CCDC78: variants seen among roughly 807,000 people sequenced by gnomAD.
The protein encoded by CCDC78 is coiled-coil domain-containing protein 78.
CCDC78 carries 78 observed loss-of-function variants against 61.9 expected under a neutral mutation model. That is an observed-to-expected ratio of 1.26 (90% CI 1.05 to 1.52). The LOEUF (loss-of-function observed/expected upper bound fraction) is 1.52. Among genes scored for constraint, CCDC78 ranks in the 40% most tolerant of loss-of-function variants. The pLI, the probability that CCDC78 is intolerant of heterozygous loss-of-function variation, is 0.00. For missense variants in CCDC78, 737 were observed against 615.5 expected (o/e 1.20, Z -2.09); for synonymous variants, 287 against 251.9 (o/e 1.14, Z -1.32).
In CCDC78 at chr16:725,269, G is replaced by T; in HGVS notation, c.460C>A (p.Pro154Thr). The change falls in exon 5 of 14, where the codon CCC (proline) becomes ACC (threonine). Residue 154 changes from proline to threonine, a missense_variant. Pro to Thr is a conservative substitution (Grantham distance 38, BLOSUM62 -1). Coordinates refer to ENST00000345165, the MANE Select transcript of CCDC78 (RefSeq NM_001378030.1). ...FQVQPKNTMNPENEQHRLGSG... is the reference protein window; with the variant it reads ...FQVQPKNTMNTENEQHRLGSG... ...CCCAGCCTGTGCTGCTCATTCTCGG[G>T]GTTCATGGTGTTCTTGGGCTGCACC... is the stretch of plus-strand genomic sequence containing the variant. 1.2e-6 allele frequency: 2 copies of T among 1,607,442 alleles called. No individual in the cohort carries two copies. The highest frequency in any genetic ancestry group is 1.7e-6 in the Non-Finnish European group (2 of 1,179,982).
At chr16:724,239 C>T (rs1057483196) in intron 9 of CCDC78, 34 bp from the exon 10 acceptor site, 2 of 1,585,146 alleles carry the variant, frequency 1.3e-6, no homozygotes. Context: ...TCTGGGGCCA[C>T]TCCTGCTGCA....
chr16:722,786 G>C lies in CCDC78; in HGVS notation c.1305C>G (p.Tyr435Ter). 1 of 1,612,622 alleles carries C rather than the reference G, an allele frequency of 6.2e-7. No individual in the cohort carries two copies. Among genetic ancestry groups the C allele is most frequent in the Non-Finnish European group, 8.5e-7 (1 of 1,179,964 alleles). Residue 435 changes from tyrosine (Y) to a stop codon, truncating the protein, a stop_gained, in exon 14 of 14, where the codon TAC becomes TAG. Transcript: ENST00000345165. LOFTEE classifies it low-confidence loss of function (END_TRUNC). The stretch of plus-strand genomic sequence containing the variant: ...TCCTCAGCCTCAGGATTTCGTGCTT[G>C]TACCTGCTCAGAGGAACCATGCTTA... ...QEYVDQHLGR[Y>*]KHEILRLRKL...
chr16:724,868 C>T, intron 7 of CCDC78, 43 bp downstream of exon 7: 1 of 1,600,552 alleles, frequency 6.2e-7, no homozygotes, highest in South Asian at 1.1e-5. Context: ...GCTTCTGGGG[C>T]CCCCACCCTC....
At position 725,249 on chromosome 16, in the gene CCDC78, C is replaced by T. The variant is rs770858049; in HGVS notation, c.480G>A (p.Arg160=). The change falls in exon 5 of 14, where the codon AGG becomes AGA. Residue 160 remains arginine (R), a synonymous_variant. Transcript: ENST00000345165. ...GCTGCACACTCACGCCGCTCCCCAG[C>T]CTGTGCTGCTCATTCTCGGGGTTCA... ...NTMNPENEQH[R]LGSGLQGEVK... 6 of 1,607,922 alleles carry T rather than the reference C, an allele frequency of 3.7e-6. No homozygotes were observed. The South Asian group carries it at 6.6e-5, about 18-fold the overall frequency.
At position 724,369 on chromosome 16, in the gene CCDC78, C is replaced by T; in HGVS notation, c.906G>A (p.Arg302=). The T allele has an allele frequency of 1.2e-6, 2 of 1,612,354 alleles. No homozygotes were observed. Among genetic ancestry groups the T allele is most frequent in the African/African-American group, 2.7e-5 (2 of 75,046 alleles). ...CATGCCTGCGGCTCAGATCCACCAG[C>T]CTCTTGTGGTAGCTGCGGGCAGCCC... is the stretch of plus-strand genomic sequence containing the variant. ...LARAARSYHK[R]LVDLSRRHEE... The change falls in exon 9 of 14, where the codon AGG becomes AGA. Residue 302 remains arginine (R), a synonymous_variant. Transcript: ENST00000345165.
At position 724,139 on chromosome 16, in the gene CCDC78, G is replaced by A. The variant is rs1319236751; in HGVS notation, c.1020C>T (p.Pro340=). ...CCCGATGGCTGAAGTCAGTGACCAG[G>A]GGCACGGGCAATGGTTCCAGGTCCA... ...ASLDLEPLPV[P]LVTDFSHRED... The change falls in exon 10 of 14, where the codon CCC becomes CCT. Residue 340 remains proline, a synonymous_variant. Transcript: ENST00000345165. 1.9e-6 allele frequency: 3 copies of A among 1,603,546 alleles called. No homozygotes were observed. Among genetic ancestry groups the A allele is most frequent in the Middle Eastern group, 1.7e-4 (1 of 6,008 alleles).
At position 726,171 on chromosome 16, in the gene CCDC78, C is replaced by G. The variant is rs772004662; in HGVS notation, c.61-86G>C. On this transcript the variant is annotated intron_variant, in intron 1 of 13. Transcript: ENST00000345165. Reference sequence around the variant, plus strand: ...CCATGCAGTCACCAGTCCCGCCTCCCTGCCTGGCTGAGCTGTAAAAGTCCC... The same window carrying G: ...CCATGCAGTCACCAGTCCCGCCTCCGTGCCTGGCTGAGCTGTAAAAGTCCC... 2.8e-5 allele frequency: 43 copies of G among 1,550,308 alleles called. No individual in the cohort carries two copies. The South Asian group carries it at 5.0e-4, about 18-fold the overall frequency.
Position 725,971 on chromosome 16 carries a change from G to A in CCDC78, c.175C>T (p.Leu59=), listed in dbSNP as rs2040885685. Residue 59 remains leucine, a synonymous_variant, in exon 2 of 14, where the codon CTG becomes TTG. Transcript: ENST00000345165. ...PDLALNKEQQ[L]QISKELVDIQ... ...CGCTGGGGCCCCACACCCACCTGCA[G>A]CTGCTGCTCCTTATTGAGCGCTAGA... is the stretch of plus-strand genomic sequence containing the variant. 1 of 1,555,748 alleles carries A rather than the reference G, an allele frequency of 6.4e-7. No homozygotes were observed. Among genetic ancestry groups the A allele is most frequent in the Non-Finnish European group, 8.7e-7 (1 of 1,149,638 alleles).
rs776596806 is a variant in CCDC78 at position 724,453 on chromosome 16, C to T, written c.822G>A (p.Leu274=). Residue 274 remains leucine, a synonymous_variant, in exon 9 of 14, where the codon CTG becomes CTA. Coordinates refer to ENST00000345165, the MANE Select transcript of CCDC78 (RefSeq NM_001378030.1). ...APATTALRTF[L]EATLEDIRAA... ...CCCGGATGTCCTCCAGAGTCGCCTC[C>T]AGGAATGTCCGGAGGGCCGTGGTGG... 1 of 1,603,890 alleles carries T rather than the reference C, an allele frequency of 6.2e-7. No individual in the cohort carries two copies. The highest frequency in any genetic ancestry group is 2.2e-5 in the East Asian group (1 of 44,862).
In CCDC78 at chr16:725,224, G is replaced by A. The variant is rs995089102; in HGVS notation, c.492+13C>T. The stretch of plus-strand genomic sequence containing the variant: ...GCTGCCCTCTCCCCTGAGCTAGGTG[G>A]CTGCACACTCACGCCGCTCCCCAGC... On this transcript the variant is annotated intron_variant, in intron 5 of 13. Transcript: ENST00000345165. The A allele has an allele frequency of 6.2e-6, 10 of 1,609,492 alleles. 1 individual carries two copies.
chr16:723,159 C>T lies in CCDC78; in HGVS notation c.1136G>A (p.Gly379Asp), dbSNP rs1296158476. 13 of 1,612,394 alleles carry T rather than the reference C, an allele frequency of 8.1e-6. No individual in the cohort carries two copies. Among genetic ancestry groups the T allele is most frequent in the Admixed American group, 5.0e-5 (3 of 59,996 alleles). Residue 379 changes from glycine (G) to aspartate (D), a missense_variant and splice_region_variant, in exon 12 of 14, where the codon GGC becomes GAC. Physicochemically the swap from Gly to Asp is moderately conservative, Grantham distance 94 (BLOSUM62 -1). Coordinates refer to ENST00000345165, the MANE Select transcript of CCDC78 (RefSeq NM_001378030.1). Reference sequence around the variant, plus strand: ...CTGGGCCCAGGATGCAGCGTCCAGGCCCCTGTGAGGGGAGAGGAAAGGAGG... The same window carrying T: ...CTGGGCCCAGGATGCAGCGTCCAGGTCCCTGTGAGGGGAGAGGAAAGGAGG... ...ASQGGTSEPQ[G>D]LDAASWAQIH...
At chr16:725,635 G>A in intron 3 of CCDC78, 55 bp from the exon 4 acceptor site, 1 of 1,589,624 alleles carries the variant, frequency 6.3e-7, no homozygotes. Flanking sequence ...CCTGGGGTAG[G>A]TGAACATTCA....
At position 722,788 on chromosome 16, in the gene CCDC78, A is replaced by T. The variant is rs201548248; in HGVS notation, c.1303T>A (p.Tyr435Asn). The T allele has an allele frequency of 6.2e-7, 1 of 1,612,542 alleles. No homozygotes were observed. The highest frequency in any genetic ancestry group is 2.2e-5 in the East Asian group (1 of 44,862). ...CTCAGCCTCAGGATTTCGTGCTTGT[A>T]CCTGCTCAGAGGAACCATGCTTAAG... ...QEYVDQHLGR[Y>N]KHEILRLRKL... is the part of the protein sequence containing the mutation. Residue 435 changes from tyrosine (Y) to asparagine (N), a missense_variant and splice_region_variant, in exon 14 of 14, where the codon TAC becomes AAC. Coordinates refer to ENST00000345165, the MANE Select transcript of CCDC78 (RefSeq NM_001378030.1).
Position 724,344 on chromosome 16 carries a change from C to T in CCDC78, c.931G>A (p.Glu311Lys). 1 of 1,612,220 alleles carries T rather than the reference C, an allele frequency of 6.2e-7. No homozygotes were observed. The highest frequency in any genetic ancestry group is 1.1e-5 in the South Asian group (1 of 91,038). The change falls in exon 9 of 14, where the codon GAA becomes AAA. Residue 311 changes from glutamate (E) to lysine (K), a missense_variant. By Grantham distance (56) the Glu-to-Lys change is moderately conservative (BLOSUM62 1). Transcript: ENST00000345165. ...KRLVDLSRRHEELLVAYRAPG... is the reference protein window; with the variant it reads ...KRLVDLSRRHKELLVAYRAPG... ...CACCTGTAGGCAACCAGTAGCTCTTCATGCCTGCGGCTCAGATCCACCAGC... is the reference window on the plus strand; with the variant it reads ...CACCTGTAGGCAACCAGTAGCTCTTTATGCCTGCGGCTCAGATCCACCAGC...
At chr16:725,386 C>T in intron 4 of CCDC78, 27 bp downstream of exon 4, 1 of 1,611,922 alleles carries the variant, frequency 6.2e-7, no homozygotes, top group Non-Finnish European at 8.5e-7. Context: ...CCTTTCCCAG[C>T]CAGGCTCTCC....
upstream of CCDC78, chr16:726,686 G>C (rs1395649461): frequency 1.0e-5 from 5 of 491,670 alleles, no homozygotes; most frequent in African/African-American, 2.0e-5. Context: ...GGAACGGAGC[G>C]GCAGCCCGCC....
rs1377084646 is a variant in CCDC78, at chr16:722,749, C to T, written c.1342G>A (p.Ala448Thr). 6.2e-7 allele frequency: 1 copy of T among 1,612,238 alleles called. No individual in the cohort carries two copies. Among genetic ancestry groups the T allele is most frequent in the Admixed American group, 1.7e-5 (1 of 60,020 alleles). Reference protein sequence around the residue: ...EILRLRKLAGAGDPWKVGAVP... With the variant: ...EILRLRKLAGTGDPWKVGAVP... The stretch of plus-strand genomic sequence containing the variant: ...GCCCCCACTTTCCAGGGGTCCCCTG[C>T]ACCTGCCAGCTTCCTCAGCCTCAGG... The change falls in exon 14 of 14, where the codon GCA (alanine) becomes ACA (threonine). Residue 448 changes from alanine (A) to threonine (T), a missense_variant. Physicochemically the swap from Ala to Thr is moderately conservative, Grantham distance 58. Transcript: ENST00000345165.
At chr16:726,613 A>C, upstream of CCDC78, 1 of 564,292 alleles carries the variant, frequency 1.8e-6, no homozygotes, top group Non-Finnish European at 3.1e-6. Flanking sequence ...CCCTGCACAT[A>C]CCCTGTGCAG....
intron 11 of CCDC78, 136 bp from the exon 12 acceptor site, chr16:723,297 C>A (rs552752636): frequency 2.1e-6 from 2 of 962,476 alleles, no homozygotes; most frequent in South Asian, 1.4e-5. Flanking sequence ...ATGGGCCCCC[C>A]CCGTGCTCCT....
Sources: gnomAD v4.1 joint callset for allele counts on GRCh38, gnomAD v4.1.1 for gene constraint, MANE v1.5 for transcripts, NCBI Gene and HGNC (gene_info 2026-07-23, HGNC 2026-07-21) for gene names.